TTLL5: variants seen among roughly 807,000 people sequenced by gnomAD.
TTLL5 encodes tubulin tyrosine ligase like 5, also known as tubulin polyglutamylase TTLL5.
In TTLL5, 132 loss-of-function variants were observed where a neutral mutation model predicts 168.4. That is an observed-to-expected ratio of 0.78 (90% CI 0.68 to 0.91). TTLL5 has a LOEUF of 0.91. Ranked by LOEUF, TTLL5 falls within the 40% of genes least tolerant of loss-of-function variation. TTLL5 has a pLI of 0.00. For synonymous variants in TTLL5, 546 were observed against 558.6 expected (o/e 0.98, Z 0.32); for missense variants, 1,545 against 1,581.5 (o/e 0.98, Z 0.39).
At chr14:75,682,130 T>C (rs901290685) in intron 4 of TTLL5, among the ~76,000 whole-genome samples, 12 of 142,204 alleles carry the variant, frequency 8.4e-5, no homozygotes, top group African/African-American at 2.4e-4. Context: ...GTGGAGGTTG[T>C]AGTGAGCCGA....
intron 29 of TTLL5, among the ~76,000 whole-genome samples, chr14:75,882,148 C>T (rs2031850515): frequency 6.6e-6 from 1 of 152,178 alleles, no homozygotes; most frequent in Non-Finnish European, 1.5e-5. Flanking sequence ...CCAGGCCTGG[C>T]TCATGGTTCC....
chr14:75,697,581 A>G (rs900254241), intron 6 of TTLL5, among the ~76,000 whole-genome samples: 12 of 152,194 alleles, frequency 7.9e-5, no homozygotes, highest in African/African-American at 2.4e-4. Context: ...AGACTGGCTC[A>G]TGTCAGAGGG....
intron 31 of TTLL5, among the ~76,000 whole-genome samples, chr14:75,938,715 C>T (rs977586839): frequency 6.6e-6 from 1 of 152,094 alleles, no homozygotes; most frequent in Non-Finnish European, 1.5e-5. Context: ...CTCAGTTTCC[C>T]AAGATGATCA....
At chr14:75,698,275 C>G (rs1278959438) in intron 6 of TTLL5, among the ~76,000 whole-genome samples, 1 of 152,192 alleles carries the variant, frequency 6.6e-6, no homozygotes, top group Non-Finnish European at 1.5e-5. Context: ...CAGTTGTCTG[C>G]TTTCTCTTTT....
intron 12 of TTLL5, among the ~76,000 whole-genome samples, chr14:75,721,231 A>T (rs1205021808): frequency 6.6e-6 from 1 of 151,438 alleles, no homozygotes; most frequent in Non-Finnish European, 1.5e-5. Flanking sequence ...CTCCACCCCC[A>T]ACTCCTTGAC....
rs747760710 is a variant in TTLL5, at chr14:75,783,265, C to A, written c.2721C>A (p.Asp907Glu). ...NTHLSSVTTS[D>E]LSPGPCHHSS... ...ATTTGTCATCTGTTACAACCTCTGA[C>A]CTCTCTCCAGGGCCTTGCCACCATT... Residue 907 changes from aspartate (D) to glutamate (E), a missense_variant, in exon 26 of 32, where the codon GAC becomes GAA. Physicochemically the swap from Asp to Glu is conservative, Grantham distance 45. Coordinates refer to ENST00000298832, the MANE Select transcript of TTLL5 (RefSeq NM_015072.5). The A allele has an allele frequency of 6.2e-7, 1 of 1,614,208 alleles. No individual in the cohort carries two copies. The highest frequency in any genetic ancestry group is 8.5e-7 in the Non-Finnish European group (1 of 1,180,038).
At chr14:75,822,718 G>A (rs1187785703) in intron 28 of TTLL5, among the ~76,000 whole-genome samples, 3 of 152,144 alleles carry the variant, frequency 2.0e-5, no homozygotes, top group Admixed American at 6.6e-5. Flanking sequence ...TTCATCAAAC[G>A]ACCTTGTTCT....
intron 28 of TTLL5, among the ~76,000 whole-genome samples, chr14:75,855,349 G>A (rs774841299): frequency 1.3e-5 from 2 of 152,170 alleles, no homozygotes; most frequent in Non-Finnish European, 1.5e-5. Flanking sequence ...TAAAGGCACT[G>A]GAGGGTGAAC....
chr14:75,890,019 T>C (rs1311156237), intron 30 of TTLL5, among the ~76,000 whole-genome samples: 10 of 152,024 alleles, frequency 6.6e-5, no homozygotes, highest in Non-Finnish European at 1.5e-4. Context: ...TACTGAAAGA[T>C]GAAAAAGAAA....
Position 75,759,493 on chromosome 14 carries a change from A to C in TTLL5, c.1551-5122A>C, listed in dbSNP as rs561544529. On this transcript the variant is annotated intron_variant, in intron 18 of 31. Coordinates refer to ENST00000298832, the MANE Select transcript of TTLL5 (RefSeq NM_015072.5). Reference sequence around the variant, plus strand: ...CACCAATCTTATACAGATTCTTTTAAGAATATAGGAAGGGACACTTCCCAG... The same window carrying C: ...CACCAATCTTATACAGATTCTTTTACGAATATAGGAAGGGACACTTCCCAG... Among the ~76,000 whole-genome samples the C allele has an allele frequency of 2.3e-3, 347 of 152,242 alleles. 1 individual carries two copies. Among genetic ancestry groups the C allele is most frequent in the African/African-American group, 8.1e-3 (338 of 41,570 alleles).
rs902926113 is a variant in TTLL5 at position 75,705,855 on chromosome 14, G to GT, written c.586-1152dup. Among the ~76,000 whole-genome samples the GT allele has an allele frequency of 4.7e-3, 693 of 146,738 alleles. 2 individuals carry two copies. The highest frequency in any genetic ancestry group is 5.4e-3 in the Non-Finnish European group (359 of 66,172). On this transcript the variant is annotated intron_variant, in intron 7 of 31. Coordinates refer to ENST00000298832, the MANE Select transcript of TTLL5 (RefSeq NM_015072.5). Reference sequence around the variant, plus strand: ...CAGCTTTATCTAATCACATGTGAAGGTTTTTTTTTTTCTCCCAGATATTTT... The same window carrying GT: ...CAGCTTTATCTAATCACATGTGAAGGTTTTTTTTTTTTCTCCCAGATATTTT...
At chr14:75,709,929 A>G (rs1392239832) in intron 9 of TTLL5, 2 of 148,940 alleles carry the variant, frequency 1.3e-5, no homozygotes, top group Non-Finnish European at 3.0e-5. Flanking sequence ...CTTCTCAGAT[A>G]TGCAAGGTTC....
At chr14:75,677,508 T>C (rs1033582298) in intron 3 of TTLL5, among the ~76,000 whole-genome samples, 1 of 150,454 alleles carries the variant, frequency 6.6e-6, no homozygotes, top group Admixed American at 6.7e-5. Flanking sequence ...GTGATCCTCC[T>C]GCCTCAGCCT....
chr14:75,677,260 C>T (rs2140107743), intron 3 of TTLL5, among the ~76,000 whole-genome samples: 1 of 152,164 alleles, frequency 6.6e-6, no homozygotes, highest in East Asian at 1.9e-4. Flanking sequence ...TTATTATCAA[C>T]TCCATTTTAC....
intron 28 of TTLL5, among the ~76,000 whole-genome samples, chr14:75,843,862 G>A (rs419213): frequency 0.17 from 1,604 of 9,256 alleles, 15 homozygotes; most frequent in Non-Finnish European, 0.21. Flanking sequence ...ATTTTATTTT[G>A]TTTTGTTTTG....
intron 24 of TTLL5, among the ~76,000 whole-genome samples, chr14:75,780,475 TAGC>T (rs1566601172): frequency 6.6e-6 from 1 of 151,946 alleles, no homozygotes; most frequent in Non-Finnish European, 1.5e-5. Context: ...TAAAAAAAAA[TAGC>T]AGTGACATTC....
At chr14:75,675,245 T>G (rs544827852) in intron 3 of TTLL5, among the ~76,000 whole-genome samples, 1 of 152,336 alleles carries the variant, frequency 6.6e-6, no homozygotes, top group South Asian at 2.1e-4. Flanking sequence ...TTTCTGATAC[T>G]AGGGCACAGC....
At chr14:75,867,832 A>T (rs1439342971) in intron 29 of TTLL5, among the ~76,000 whole-genome samples, 1 of 152,026 alleles carries the variant, frequency 6.6e-6, no homozygotes, top group African/African-American at 2.4e-5. Context: ...GTTAGGAATG[A>T]TCAAACAAAT....
At chr14:75,752,818 G>A in intron 17 of TTLL5, 75 bp from the exon 18 acceptor site, 1 of 1,381,238 alleles carries the variant, frequency 7.2e-7, no homozygotes. Context: ...TTCTGTGCTT[G>A]ATTCATGGTT....
Sources: gnomAD v4.1 joint callset for allele counts (sites outside exome capture counted in the v4.1 genomes callset) on GRCh38, gnomAD v4.1.1 for gene constraint, MANE v1.5 for transcripts, NCBI Gene and HGNC (gene_info 2026-07-23, HGNC 2026-07-21) for gene names.